NTRK2: variants seen among roughly 807,000 people sequenced by gnomAD.
NTRK2 encodes the protein neurotrophic receptor tyrosine kinase 2, also known as BDNF/NT-3 growth factors receptor.
In NTRK2, 13 loss-of-function variants were observed where a neutral mutation model predicts 94.5. The ratio of observed to expected loss-of-function variants is 0.14; its 90% CI spans 0.09 to 0.22. The LOEUF (loss-of-function observed/expected upper bound fraction) is 0.22, where lower values mean the gene tolerates loss of function less well. Ranked by LOEUF, NTRK2 falls within the 10% of genes least tolerant of loss-of-function variation. The probability of loss-of-function intolerance (pLI) is 1.00; values close to 1 mark genes in which losing one functional copy is unlikely to be tolerated. For missense variants in NTRK2, 639 were observed against 1,071.2 expected, an observed-to-expected ratio of 0.60 and a Z score of 5.63; for synonymous variants, 372 against 407.4, an observed-to-expected ratio of 0.91 and a Z score of 1.05.
At chr9:84,896,485 A>G (rs2132349680) in intron 14 of NTRK2, among the ~76,000 whole-genome samples, 1 of 152,316 alleles carries the variant, frequency 6.6e-6, no homozygotes, top group South Asian at 2.1e-4. Flanking sequence ...CAGATTGGAA[A>G]GAAAGAAGTA....
intron 14 of NTRK2, among the ~76,000 whole-genome samples, chr9:84,903,962 G>C (rs1034743094): frequency 6.6e-6 from 1 of 152,154 alleles, no homozygotes; most frequent in Non-Finnish European, 1.5e-5. Flanking sequence ...AAAGAAATGA[G>C]AAAAAAGCTC....
intron 6 of NTRK2, among the ~76,000 whole-genome samples, chr9:84,723,166 A>T (rs2062190793): frequency 6.6e-6 from 1 of 152,198 alleles, no homozygotes; most frequent in Non-Finnish European, 1.5e-5. Flanking sequence ...GTTCTTGAGC[A>T]TTAGTAAAAA....
chr9:84,731,733 G>A (rs1041718909), intron 9 of NTRK2, among the ~76,000 whole-genome samples: 54 of 152,232 alleles, frequency 3.5e-4, no homozygotes, highest in African/African-American at 1.3e-3. Flanking sequence ...GACAGCGGCA[G>A]CCCAGTCCAA....
intron 15 of NTRK2, among the ~76,000 whole-genome samples, chr9:84,938,932 G>T (rs573046186): frequency 6.6e-6 from 1 of 151,340 alleles, no homozygotes; most frequent in Admixed American, 6.6e-5. Context: ...TGCACCTGTG[G>T]TCCCAGCTAC....
chr9:84,914,381 A>G (rs968691440), intron 14 of NTRK2, among the ~76,000 whole-genome samples: 28 of 152,146 alleles, frequency 1.8e-4, no homozygotes, highest in African/African-American at 6.5e-4. Flanking sequence ...CTGGTTCATG[A>G]TATGATGACT....
At chr9:85,019,542 G>A (rs1488865373) in intron 17 of NTRK2, among the ~76,000 whole-genome samples, 1 of 152,174 alleles carries the variant, frequency 6.6e-6, no homozygotes, top group Non-Finnish European at 1.5e-5. Context: ...TCATTAAAAT[G>A]GGCATTTAAA....
At chr9:84,934,428 T>A in intron 15 of NTRK2, 136 bp downstream of exon 15, 2 of 955,042 alleles carry the variant, frequency 2.1e-6, no homozygotes, top group Non-Finnish European at 3.2e-6. Flanking sequence ...CAAATTCCTT[T>A]AAACTAAATG....
chr9:84,815,141 C>T (rs987350488), intron 12 of NTRK2: 3 of 1,056,908 alleles, frequency 2.8e-6, no homozygotes, highest in Admixed American at 5.4e-5. Context: ...AAGTTTTGGT[C>T]TTCAGAGACA....
At chr9:84,997,096 T>A (rs991460544) in intron 17 of NTRK2, among the ~76,000 whole-genome samples, 5 of 152,162 alleles carry the variant, frequency 3.3e-5, no homozygotes, top group African/African-American at 1.2e-4. Context: ...CCTTTTACAG[T>A]CCTTGTAAAG....
intron 17 of NTRK2, among the ~76,000 whole-genome samples, chr9:85,018,889 G>A (rs1832530608): frequency 1.3e-5 from 2 of 152,206 alleles, no homozygotes; most frequent in African/African-American, 2.4e-5. Flanking sequence ...GCCTTTATGA[G>A]CTTTTTGTTT....
At chr9:84,816,395 G>T (rs979099921) in intron 12 of NTRK2, among the ~76,000 whole-genome samples, 4 of 151,880 alleles carry the variant, frequency 2.6e-5, no homozygotes, top group African/African-American at 9.7e-5. Flanking sequence ...ACACCCAAAG[G>T]GTTTTGCTCT....
chr9:84,820,570 A>G (rs891570579), intron 12 of NTRK2, among the ~76,000 whole-genome samples: 17 of 152,142 alleles, frequency 1.1e-4, no homozygotes, highest in African/African-American at 3.9e-4. Flanking sequence ...GACATATTTA[A>G]CTTTTCGTTA....
intron 14 of NTRK2, among the ~76,000 whole-genome samples, chr9:84,886,900 C>A (rs1006348571): frequency 2.6e-5 from 4 of 152,148 alleles, no homozygotes; most frequent in Non-Finnish European, 5.9e-5. Flanking sequence ...AATTTGAAAT[C>A]TCTGTATGAA....
At chr9:85,000,726 A>G (rs1055484896) in intron 17 of NTRK2, among the ~76,000 whole-genome samples, 7 of 152,152 alleles carry the variant, frequency 4.6e-5, no homozygotes, top group African/African-American at 1.4e-4. Flanking sequence ...GTAGACATTC[A>G]TGTGCAGGTT....
rs529315816 is a variant in NTRK2 at position 84,970,732 on chromosome 9, C to A, written c.2172+15215C>A. Among the ~76,000 whole-genome samples the A allele has an allele frequency of 2.6e-5, 4 of 152,304 alleles. No homozygotes were observed. In the South Asian group the frequency reaches 8.3e-4, roughly 32 times the overall value. ...CAATATACTTCATGTCCAAGGCAAT[C>A]CCCCATCCTATCCAGCAACTTCACT... On this transcript the variant is annotated intron_variant, in intron 17 of 18. Coordinates refer to ENST00000277120, the MANE Select transcript of NTRK2 (RefSeq NM_006180.6).
intron 2 of NTRK2, among the ~76,000 whole-genome samples, chr9:84,699,039 A>AT (rs11397169): frequency 0.57 from 83,742 of 145,652 alleles, 23,869 homozygotes; most frequent in Admixed American, 0.63. Flanking sequence ...CTTGCTGAAA[A>AT]TTTTTTTTTT....
In NTRK2 at chr9:84,759,390, C is replaced by A. The variant is rs544037404; in HGVS notation, c.1396+7305C>A. On this transcript the variant is annotated intron_variant, in intron 12 of 18. Coordinates refer to ENST00000277120, the MANE Select transcript of NTRK2 (RefSeq NM_006180.6). Reference sequence around the variant, plus strand: ...TAGCCCAGACAGGAAGCAAAAGAATCGGCATCTCTGCCTTTAGCCTTGTAG... The same window carrying A: ...TAGCCCAGACAGGAAGCAAAAGAATAGGCATCTCTGCCTTTAGCCTTGTAG... Among the ~76,000 whole-genome samples the A allele has an allele frequency of 3.3e-5, 5 of 152,364 alleles. No homozygotes were observed. The East Asian group carries it at 9.6e-4, about 29-fold the overall frequency.
intron 17 of NTRK2, among the ~76,000 whole-genome samples, chr9:85,004,227 AG>A (rs1830713289): frequency 6.6e-6 from 1 of 151,748 alleles, no homozygotes. Context: ...ATCATTGGAA[AG>A]GGGGAAGATT....
intron 13 of NTRK2, among the ~76,000 whole-genome samples, chr9:84,865,630 A>AG (rs1426867755): frequency 1.3e-5 from 2 of 152,194 alleles, no homozygotes; most frequent in African/African-American, 2.4e-5. Context: ...TGCATTTAGT[A>AG]GGGGGGGTTG....
Sources: allele counts gnomAD v4.1 joint callset (sites outside exome capture counted in the v4.1 genomes callset), GRCh38; gene constraint gnomAD v4.1.1; transcripts MANE v1.5; gene names NCBI Gene and HGNC (gene_info 2026-07-23, HGNC 2026-07-21).